Variants in CACNA2D1 observed in about 807,000 individuals in gnomAD.
CACNA2D1 encodes voltage-dependent calcium channel subunit alpha-2/delta-1.
A neutral mutation model predicts 171.5 loss-of-function variants in CACNA2D1; 53 were observed. That is an observed-to-expected ratio of 0.31 (90% confidence interval 0.25 to 0.39). The LOEUF is 0.39. Ranked by LOEUF, CACNA2D1 falls within the 10% of genes least tolerant of loss-of-function variation. CACNA2D1 has a pLI of 1.00. For synonymous variants in CACNA2D1, 442 were observed against 443.1 expected, an observed-to-expected ratio of 1.00 and a Z score of 0.03; for missense variants, 903 against 1,299.8, an observed-to-expected ratio of 0.69 and a Z score of 4.69.
intron 1 of CACNA2D1, among the ~76,000 whole-genome samples, chr7:82,385,266 C>A (rs542353209): frequency 6.6e-6 from 1 of 152,332 alleles, no homozygotes; most frequent in South Asian, 2.1e-4. Flanking sequence ...TTCAGAATGT[C>A]AAATTGAAAT....
At chr7:82,381,245 C>T (rs573547462) in intron 1 of CACNA2D1, among the ~76,000 whole-genome samples, 5 of 144,588 alleles carry the variant, frequency 3.5e-5, no homozygotes, top group South Asian at 2.2e-4. Flanking sequence ...ACCCGGCAGG[C>T]GGAGCTTGCA....
chr7:81,959,904 CATATTAAAATGAAAGACAAA>C (rs1321276460), intron 36 of CACNA2D1, 75 bp from the exon 37 acceptor site: 5 of 1,540,130 alleles, frequency 3.2e-6, no homozygotes. Context: ...AAGATTCTTA[CATATTAAAATGAAAGACAAA>C]ATATGACATC....
chr7:82,309,694 T>C (rs1403393596), intron 3 of CACNA2D1, among the ~76,000 whole-genome samples: 2 of 152,202 alleles, frequency 1.3e-5, no homozygotes, highest in Non-Finnish European at 2.9e-5. Context: ...TCTGGAGAAG[T>C]GGCCATAGTA....
chr7:82,148,212 A>G (rs1016119040), intron 4 of CACNA2D1, among the ~76,000 whole-genome samples: 6 of 152,140 alleles, frequency 3.9e-5, no homozygotes, highest in African/African-American at 1.4e-4. Flanking sequence ...CTATAAGGCA[A>G]TAGTCTTAAA....
At chr7:82,280,905 T>G (rs953598731) in intron 3 of CACNA2D1, among the ~76,000 whole-genome samples, 3 of 152,138 alleles carry the variant, frequency 2.0e-5, no homozygotes, top group African/African-American at 7.2e-5. Flanking sequence ...AAGACACAAA[T>G]TTAGGCTCCT....
chr7:82,075,669 A>C (rs533043001), intron 7 of CACNA2D1, among the ~76,000 whole-genome samples: 1 of 152,208 alleles, frequency 6.6e-6, no homozygotes. Flanking sequence ...GTAAGTGAAA[A>C]TCTTAGATGA....
In CACNA2D1 at chr7:82,063,742, C is replaced by A. The variant is rs554546448; in HGVS notation, c.779+562G>T. 5.3e-5 allele frequency among the ~76,000 whole-genome samples: 8 copies of A among 152,098 alleles called. No homozygotes were observed. The East Asian group carries it at 1.5e-3, about 29-fold the overall frequency. ...CTACATCTTCAACCTTATTAGAAAA[C>A]ATGTACACTTGCAAACATACACATA... On this transcript the variant is annotated intron_variant, in intron 9 of 38. Transcript: ENST00000356860.
At chr7:82,173,507 A>G (rs1036003705) in intron 3 of CACNA2D1, among the ~76,000 whole-genome samples, 3 of 152,050 alleles carry the variant, frequency 2.0e-5, no homozygotes, top group African/African-American at 7.2e-5. Flanking sequence ...AGAAATTAAT[A>G]AATATTTTTA....
intron 3 of CACNA2D1, among the ~76,000 whole-genome samples, chr7:82,240,542 C>T (rs1017101611): frequency 6.6e-6 from 1 of 152,172 alleles, no homozygotes; most frequent in African/African-American, 2.4e-5. Flanking sequence ...GTATTACTGA[C>T]TTGGCAGTAT....
intron 10 of CACNA2D1, among the ~76,000 whole-genome samples, chr7:82,039,653 C>T (rs950961926): frequency 4.6e-5 from 7 of 152,116 alleles, no homozygotes; most frequent in African/African-American, 1.7e-4. Flanking sequence ...TCAGGAGAGG[C>T]ATTTCTAATT....
intron 3 of CACNA2D1, among the ~76,000 whole-genome samples, chr7:82,245,896 T>C (rs923701694): frequency 1.3e-5 from 2 of 152,292 alleles, no homozygotes; most frequent in Middle Eastern, 3.4e-3. Context: ...TAGTTTATTA[T>C]AAGCATTTAA....
chr7:82,225,902 T>C (rs1200276221), intron 3 of CACNA2D1, among the ~76,000 whole-genome samples: 1 of 152,248 alleles, frequency 6.6e-6, no homozygotes, highest in African/African-American at 2.4e-5. Flanking sequence ...AAAACTTTAT[T>C]AGGACTAAGG....
At chr7:82,281,744 C>T (rs1810126718) in intron 3 of CACNA2D1, among the ~76,000 whole-genome samples, 2 of 152,012 alleles carry the variant, frequency 1.3e-5, no homozygotes, top group Non-Finnish European at 2.9e-5. Flanking sequence ...ATATAAATAT[C>T]AAATGTACGT....
intron 12 of CACNA2D1, 126 bp downstream of exon 12, chr7:82,032,671 A>G: frequency 6.7e-6 from 4 of 595,344 alleles, no homozygotes; most frequent in Non-Finnish European, 1.2e-5. Context: ...TATGATTCAT[A>G]TGGCTTTATA....
At chr7:82,010,489 A>C (rs1329640238) in intron 15 of CACNA2D1, among the ~76,000 whole-genome samples, 1 of 151,970 alleles carries the variant, frequency 6.6e-6, no homozygotes, top group Non-Finnish European at 1.5e-5. Flanking sequence ...CAATGCAGAC[A>C]TGCTGGCTAA....
At chr7:81,987,767 G>A (rs1797119701) in intron 21 of CACNA2D1, among the ~76,000 whole-genome samples, 1 of 152,142 alleles carries the variant, frequency 6.6e-6, no homozygotes, top group Admixed American at 6.6e-5. Context: ...GTGAGGAAAC[G>A]CAAAGGTGGG....
chr7:82,141,334 A>C (rs912668563), intron 4 of CACNA2D1, among the ~76,000 whole-genome samples: 3 of 152,116 alleles, frequency 2.0e-5, no homozygotes, highest in Non-Finnish European at 2.9e-5. Flanking sequence ...GTTTTACTTA[A>C]AATGAATTCT....
At chr7:82,398,614 G>C (rs1563492564) in intron 1 of CACNA2D1, among the ~76,000 whole-genome samples, 1 of 148,438 alleles carries the variant, frequency 6.7e-6, no homozygotes, top group Non-Finnish European at 1.5e-5. Flanking sequence ...GTCTTGCTCA[G>C]TTGTCCAGGC....
chr7:81,955,985 T>TATATATATATA (rs1793277579), intron 38 of CACNA2D1, among the ~76,000 whole-genome samples: 1 of 67,562 alleles, frequency 1.5e-5, no homozygotes, highest in Non-Finnish European at 2.9e-5. Flanking sequence ...TATATATTTT[T>TATATATATATA]TTTTTTTTTT....
Sources: allele counts gnomAD v4.1 joint callset (sites outside exome capture counted in the v4.1 genomes callset), GRCh38; gene constraint gnomAD v4.1.1; transcripts MANE v1.5; gene names NCBI Gene and HGNC (gene_info 2026-07-23, HGNC 2026-07-21).